GUCY1A2: variants seen among roughly 807,000 people sequenced by gnomAD.
The protein encoded by GUCY1A2 is guanylate cyclase 1 soluble subunit alpha 2, also known as guanylate cyclase soluble subunit alpha-2.
Under a neutral mutation model 63.5 loss-of-function variants are expected in GUCY1A2, and 27 were observed. That is an observed-to-expected ratio of 0.43 (90% CI 0.31 to 0.59). The LOEUF is 0.59. GUCY1A2 is among the 20% of genes least tolerant of loss of function. The pLI is 0.11. For missense variants in GUCY1A2, 768 were observed against 913.3 expected, an observed-to-expected ratio of 0.84 and a Z score of 2.05; for synonymous variants, 364 against 343.5, an observed-to-expected ratio of 1.06 and a Z score of -0.66.
At chr11:106,724,466 C>T (rs1335886008) in intron 6 of GUCY1A2, among the ~76,000 whole-genome samples, 1 of 152,214 alleles carries the variant, frequency 6.6e-6, no homozygotes, top group Non-Finnish European at 1.5e-5. Flanking sequence ...CTCACTCTCT[C>T]TGGTCACCTG....
At chr11:106,998,290 G>A (rs2120174460) in intron 1 of GUCY1A2, among the ~76,000 whole-genome samples, 1 of 152,084 alleles carries the variant, frequency 6.6e-6, no homozygotes, top group African/African-American at 2.4e-5. Flanking sequence ...AGAGAGAGAG[G>A]GTGAAAGGAT....
intron 3 of GUCY1A2, among the ~76,000 whole-genome samples, chr11:106,942,314 T>C (rs1374583553): frequency 6.6e-6 from 1 of 152,168 alleles, no homozygotes; most frequent in East Asian, 1.9e-4. Context: ...TGCATGAACA[T>C]TAATTCTCAC....
intron 1 of GUCY1A2, among the ~76,000 whole-genome samples, chr11:107,011,359 G>A (rs1039238024): frequency 3.3e-5 from 5 of 151,244 alleles, no homozygotes; most frequent in East Asian, 1.9e-4. Context: ...TATAATTAAC[G>A]GCAACAGGAC....
intron 4 of GUCY1A2, among the ~76,000 whole-genome samples, chr11:106,897,064 A>G (rs1225207253): frequency 1.3e-5 from 2 of 152,220 alleles, no homozygotes; most frequent in South Asian, 4.1e-4. Flanking sequence ...AGCACTGAAC[A>G]AGTAAAATTT....
chr11:106,811,026 A>C (rs1286322121), intron 4 of GUCY1A2, among the ~76,000 whole-genome samples: 1 of 152,076 alleles, frequency 6.6e-6, no homozygotes, highest in Non-Finnish European at 1.5e-5. Context: ...CAGTTCTCTT[A>C]TTCTTAAAAA....
At chr11:106,765,047 T>C (rs1045788703) in intron 6 of GUCY1A2, among the ~76,000 whole-genome samples, 10 of 151,722 alleles carry the variant, frequency 6.6e-5, no homozygotes, top group African/African-American at 1.9e-4. Context: ...GTGTCCAGTA[T>C]GCATTTTTTC....
At chr11:106,956,822 G>T (rs989451590) in intron 3 of GUCY1A2, among the ~76,000 whole-genome samples, 1 of 152,150 alleles carries the variant, frequency 6.6e-6, no homozygotes. Context: ...GAGAGGGTAT[G>T]TTTCACTAGG....
intron 6 of GUCY1A2, among the ~76,000 whole-genome samples, chr11:106,740,588 A>T (rs1863675986): frequency 6.6e-6 from 1 of 151,802 alleles, no homozygotes; most frequent in Admixed American, 6.6e-5. Flanking sequence ...TCTTTCCTCA[A>T]ATGCCCTGTT....
chr11:106,765,272 G>C (rs1864143101), intron 6 of GUCY1A2, among the ~76,000 whole-genome samples: 1 of 151,870 alleles, frequency 6.6e-6, no homozygotes, highest in African/African-American at 2.4e-5. Flanking sequence ...AAATAATGTA[G>C]GTCTGAATGT....
rs765530780 is a variant in GUCY1A2, at chr11:106,679,466, C to G, written c.*8083G>C. The G allele has an allele frequency of 5.1e-6, 1 of 195,926 alleles. No homozygotes were observed. The highest frequency in any genetic ancestry group is 1.1e-5 in the Non-Finnish European group (1 of 94,482). The allele number at this position is 195,926 out of a possible 1,614,324, so 12.1% of individuals were successfully genotyped here. On this transcript the variant is annotated 3_prime_UTR_variant, in exon 8 of 8. Coordinates refer to ENST00000526355, the MANE Select transcript of GUCY1A2 (RefSeq NM_000855.3). ...AGAAGAATATGGCGTAGAGTACAGC[C>G]GCCAAAAGTTTAAAAATTTCAGGAC...
rs1859889765 is a variant in GUCY1A2 at position 106,885,736 on chromosome 11, T to C, written c.1206+53724A>G. Among the ~76,000 whole-genome samples the C allele has an allele frequency of 2.0e-5, 3 of 152,194 alleles. No individual in the cohort carries two copies. The South Asian group carries it at 6.2e-4, about 31-fold the overall frequency. ...TTATATGAGATAACAAGTGTGAATGTACTTTTGTAAATGTTTTTAAAGCTC... is the reference window on the plus strand; with the variant it reads ...TTATATGAGATAACAAGTGTGAATGCACTTTTGTAAATGTTTTTAAAGCTC... On this transcript the variant is annotated intron_variant, in intron 4 of 7. Coordinates refer to ENST00000526355, the MANE Select transcript of GUCY1A2 (RefSeq NM_000855.3).
intron 4 of GUCY1A2, among the ~76,000 whole-genome samples, chr11:106,909,045 C>T (rs1347492451): frequency 1.3e-5 from 2 of 151,666 alleles, no homozygotes; most frequent in Admixed American, 6.6e-5. Context: ...AGGAATAGTG[C>T]GGAATGAATG....
intron 6 of GUCY1A2, among the ~76,000 whole-genome samples, chr11:106,758,151 A>G (rs1336897602): frequency 4.6e-5 from 7 of 152,102 alleles, no homozygotes; most frequent in Non-Finnish European, 7.4e-5. Flanking sequence ...TGGGCATAAT[A>G]CCACCTACTC....
At chr11:106,738,419 G>C (rs1863628358) in intron 6 of GUCY1A2, among the ~76,000 whole-genome samples, 1 of 152,096 alleles carries the variant, frequency 6.6e-6, no homozygotes, top group African/African-American at 2.4e-5. Context: ...GTCAATTTTG[G>C]CTTTTGTTGC....
intron 4 of GUCY1A2, among the ~76,000 whole-genome samples, chr11:106,821,457 C>T (rs1373094506): frequency 6.6e-6 from 1 of 152,146 alleles, no homozygotes; most frequent in East Asian, 1.9e-4. Flanking sequence ...AACAGTTAGC[C>T]TGAACCCCTG....
chr11:106,830,350 T>C (rs1859033489), intron 4 of GUCY1A2, among the ~76,000 whole-genome samples: 1 of 152,100 alleles, frequency 6.6e-6, no homozygotes, highest in African/African-American at 2.4e-5. Flanking sequence ...TGACAAGGGG[T>C]GGACTTGTGA....
At chr11:106,895,884 G>A (rs913766002) in intron 4 of GUCY1A2, among the ~76,000 whole-genome samples, 3 of 151,956 alleles carry the variant, frequency 2.0e-5, no homozygotes, top group African/African-American at 7.2e-5. Context: ...GCCGGGTATG[G>A]TGGCTTGGGC....
chr11:106,869,250 T>C (rs1859639303), intron 4 of GUCY1A2, among the ~76,000 whole-genome samples: 1 of 152,006 alleles, frequency 6.6e-6, no homozygotes, highest in Admixed American at 6.6e-5. Context: ...ATGCCAAAAT[T>C]GACAAATGGG....
At chr11:107,004,363 A>T (rs1305988710) in intron 1 of GUCY1A2, among the ~76,000 whole-genome samples, 1 of 152,200 alleles carries the variant, frequency 6.6e-6, no homozygotes, top group East Asian at 1.9e-4. Context: ...AAATTTAGTG[A>T]TACATATTAT....
Sources: allele counts gnomAD v4.1 joint callset (sites outside exome capture counted in the v4.1 genomes callset), GRCh38; gene constraint gnomAD v4.1.1; transcripts MANE v1.5; gene names NCBI Gene and HGNC (gene_info 2026-07-23, HGNC 2026-07-21).